Variants in SDHC observed in about 807,000 individuals in gnomAD.
The protein encoded by SDHC is succinate dehydrogenase cytochrome b560 subunit, mitochondrial.
Under a neutral mutation model 22.6 loss-of-function variants are expected in SDHC, and 11 were observed. The observed-to-expected ratio is 0.49, with a 90% CI of 0.31 to 0.81. SDHC has a LOEUF of 0.81. Ranked by LOEUF, SDHC falls within the 30% of genes least tolerant of loss-of-function variation. The pLI, the probability that SDHC is intolerant of heterozygous loss-of-function variation, is 0.05. For missense variants in SDHC, 160 were observed against 212.0 expected, an observed-to-expected ratio of 0.75 and a Z score of 1.52; for synonymous variants, 80 against 77.8, an observed-to-expected ratio of 1.03 and a Z score of -0.15.
At chr1:161,356,337 G>A (rs764694022) in intron 4 of SDHC, among the ~76,000 whole-genome samples, 6 of 152,014 alleles carry the variant, frequency 3.9e-5, no homozygotes, top group Non-Finnish European at 5.9e-5. Context: ...TCAGGAGTTC[G>A]AGACCAGCCT....
At chr1:161,330,206 G>A (rs975442837) in intron 3 of SDHC, among the ~76,000 whole-genome samples, 3 of 152,142 alleles carry the variant, frequency 2.0e-5, no homozygotes, top group Non-Finnish European at 4.4e-5. Context: ...TCAACCTACT[G>A]TAGCCTCATC....
intron 5 of SDHC, among the ~76,000 whole-genome samples, chr1:161,358,203 A>AT (rs200683910): frequency 0.13 from 18,214 of 140,324 alleles, 1,388 homozygotes; most frequent in African/African-American, 0.21. Flanking sequence ...CGGCCAGCTA[A>AT]TTTTTTTTTT....
At chr1:161,361,275 A>G (rs1020791939) in intron 5 of SDHC, among the ~76,000 whole-genome samples, 1 of 151,542 alleles carries the variant, frequency 6.6e-6, no homozygotes, top group African/African-American at 2.4e-5. Context: ...TTGTATATAT[A>G]TGGCACCACT....
chr1:161,355,181 C>T (rs970630068), intron 4 of SDHC, among the ~76,000 whole-genome samples: 15 of 152,118 alleles, frequency 9.9e-5, no homozygotes, highest in African/African-American at 3.6e-4. Context: ...ATACACATAG[C>T]AGTTACATTA....
intron 1 of SDHC, among the ~76,000 whole-genome samples, chr1:161,318,447 A>C (rs1670709311): frequency 6.6e-6 from 1 of 152,224 alleles, no homozygotes; most frequent in Admixed American, 6.5e-5. Flanking sequence ...ATTGGCACTC[A>C]GTCAAGGAAT....
At chr1:161,350,154 C>T (rs1672052802) in intron 4 of SDHC, among the ~76,000 whole-genome samples, 1 of 152,172 alleles carries the variant, frequency 6.6e-6, no homozygotes, top group South Asian at 2.1e-4. Context: ...AGGTGATCCA[C>T]CTGCCTTGGC....
chr1:161,349,564 C>T (rs1458696531), intron 4 of SDHC, among the ~76,000 whole-genome samples: 1 of 152,218 alleles, frequency 6.6e-6, no homozygotes, highest in Non-Finnish European at 1.5e-5. Flanking sequence ...GGCAAACCTG[C>T]TGCTCAGGCA....
At chr1:161,337,886 A>G (rs1293323848) in intron 3 of SDHC, among the ~76,000 whole-genome samples, 3 of 152,156 alleles carry the variant, frequency 2.0e-5, no homozygotes, top group Non-Finnish European at 4.4e-5. Context: ...TTTCAGATCA[A>G]TATTTGTTCT....
chr1:161,361,143 G>A (rs2102381539), intron 5 of SDHC, among the ~76,000 whole-genome samples: 1 of 152,158 alleles, frequency 6.6e-6, no homozygotes, highest in African/African-American at 2.4e-5. Flanking sequence ...CAGGAGGATA[G>A]CTTGAGTCCA....
In SDHC at chr1:161,339,002, C is replaced by T. The variant is rs149212547; in HGVS notation, c.180-1592C>T. Among the ~76,000 whole-genome samples, 58 of 152,262 alleles carry T rather than the reference C, an allele frequency of 3.8e-4. No individual in the cohort carries two copies. The East Asian group carries it at 0.01, about 27-fold the overall frequency. ...TAGCTGGGATTACAGGCATGCACCA[C>T]CACGCCTGGCTAAATTTTTGTATTT... is the stretch of plus-strand genomic sequence containing the variant. On this transcript the variant is annotated intron_variant, in intron 3 of 5. Coordinates refer to ENST00000367975, the MANE Select transcript of SDHC (RefSeq NM_003001.5).
chr1:161,336,995 A>G (rs1363144904), intron 3 of SDHC, among the ~76,000 whole-genome samples: 1 of 151,440 alleles, frequency 6.6e-6, no homozygotes, highest in Admixed American at 6.6e-5. Flanking sequence ...TCAGTCCCCC[A>G]AGTAGCTGAG....
chr1:161,352,524 C>G (rs1480783436), intron 4 of SDHC, among the ~76,000 whole-genome samples: 1 of 152,094 alleles, frequency 6.6e-6, no homozygotes, highest in Non-Finnish European at 1.5e-5. Flanking sequence ...TCAGAAATAA[C>G]CAGTATTCTA....
At chr1:161,344,661 G>A (rs906906198) in intron 4 of SDHC, among the ~76,000 whole-genome samples, 1 of 152,008 alleles carries the variant, frequency 6.6e-6, no homozygotes, top group Non-Finnish European at 1.5e-5. Flanking sequence ...AAATCGTAAA[G>A]GAATAGGTTT....
intron 1 of SDHC, among the ~76,000 whole-genome samples, chr1:161,318,222 C>T (rs1670700537): frequency 6.6e-6 from 1 of 151,950 alleles, no homozygotes; most frequent in Admixed American, 6.6e-5. Context: ...TGAACTTATT[C>T]CTCCCTTCTA....
chr1:161,329,462 G>T (rs1204532552), intron 3 of SDHC, among the ~76,000 whole-genome samples: 2 of 152,088 alleles, frequency 1.3e-5, no homozygotes, highest in African/African-American at 4.8e-5. Context: ...CTCCTGAGTA[G>T]CTGGGATTAC....
chr1:161,344,470 A>AG (rs1324545874), intron 4 of SDHC, among the ~76,000 whole-genome samples: 2 of 151,960 alleles, frequency 1.3e-5, no homozygotes. Context: ...AAGAAAAAAA[A>AG]AAGAAAAAAG....
intron 3 of SDHC, among the ~76,000 whole-genome samples, chr1:161,331,126 A>C (rs932880086): frequency 6.6e-6 from 1 of 151,946 alleles, no homozygotes; most frequent in Non-Finnish European, 1.5e-5. Flanking sequence ...CCTTCTGATG[A>C]GATGGTTGAG....
intron 4 of SDHC, 145 bp downstream of exon 4, chr1:161,340,800 C>A: frequency 1.4e-6 from 1 of 712,270 alleles, no homozygotes; most frequent in East Asian, 2.6e-5. Flanking sequence ...TCATTCATCC[C>A]TTTAACAATT....
intron 3 of SDHC, among the ~76,000 whole-genome samples, chr1:161,335,782 G>C (rs1571862068): frequency 6.6e-6 from 1 of 152,078 alleles, no homozygotes; most frequent in South Asian, 2.1e-4. Context: ...ATACATACGT[G>C]TGTGTATATA....
Sources: allele counts gnomAD v4.1 joint callset (sites outside exome capture counted in the v4.1 genomes callset), GRCh38; gene constraint gnomAD v4.1.1; transcripts MANE v1.5; gene names NCBI Gene and HGNC (gene_info 2026-07-23, HGNC 2026-07-21).